TYW3: variants seen among roughly 807,000 people sequenced by gnomAD.
TYW3 encodes tRNA wybutosine-synthesizing protein 3 homolog.
A neutral mutation model predicts 23.1 loss-of-function variants in TYW3; 26 were observed. The observed-to-expected ratio is 1.13, with a 90% CI of 0.83 to 1.56. The LOEUF (loss-of-function observed/expected upper bound fraction) is 1.56, where lower values mean the gene tolerates loss of function less well. TYW3 is among the 40% of genes most tolerant of loss of function. The probability of loss-of-function intolerance (pLI) is 0.00; values close to 1 mark genes in which losing one functional copy is unlikely to be tolerated. For missense variants in TYW3, 316 were observed against 311.9 expected (o/e 1.01, Z -0.10); for synonymous variants, 102 against 105.7 (o/e 0.97, Z 0.21).
At position 74,766,355 on chromosome 1, in the gene TYW3, T is replaced by C. The variant is rs1649306916; in HGVS notation, c.*2242T>C. 1 of 152,062 alleles carries C rather than the reference T, an allele frequency of 6.6e-6. No homozygotes were observed. Among genetic ancestry groups the C allele is most frequent in the African/African-American group, 2.4e-5 (1 of 41,424 alleles). The allele number at this position is 152,062 out of a possible 1,614,324, so 9.4% of individuals were successfully genotyped here. On this transcript the variant is annotated 3_prime_UTR_variant, in exon 6 of 6. Transcript: ENST00000370867. ...TCATAGAAGGTGACAGCTTCATGTG[T>C]GTTATTGCCCCTGAAGACCTTCCAG...
intron 5 of TYW3, among the ~76,000 whole-genome samples, chr1:74,759,630 G>A (rs550055186): frequency 6.6e-6 from 1 of 152,194 alleles, no homozygotes; most frequent in South Asian, 2.1e-4. Context: ...CTATGTAGTT[G>A]AAAATCCACA....
chr1:74,733,488 A>G (rs1647994217), intron 1 of TYW3, 70 bp downstream of exon 1: 17 of 1,570,810 alleles, frequency 1.1e-5, no homozygotes, highest in Non-Finnish European at 1.5e-5. Flanking sequence ...GTTCCCATCC[A>G]GTGACGACCG....
At position 74,756,899 on chromosome 1, in the gene TYW3, G is replaced by A. The variant is rs186877939; in HGVS notation, c.560+4474G>A. 3.6e-3 allele frequency among the ~76,000 whole-genome samples: 541 copies of A among 152,330 alleles called. 1 individual carries two copies. The highest frequency in any genetic ancestry group is 6.8e-3 in the Non-Finnish European group (464 of 68,036). On this transcript the variant is annotated intron_variant, in intron 5 of 5. Coordinates refer to ENST00000370867, the MANE Select transcript of TYW3 (RefSeq NM_138467.3). ...GTGCAGCCTAGGAACTTGGTGCCCT[G>A]TGTCCCAGCCACTCAAGCCATGGCT...
chr1:74,739,474 A>C (rs1356330746), intron 3 of TYW3, among the ~76,000 whole-genome samples: 1 of 152,240 alleles, frequency 6.6e-6, no homozygotes, highest in African/African-American at 2.4e-5. Context: ...GCTTCTCTGA[A>C]AAGCTTTCTT....
intron 3 of TYW3, among the ~76,000 whole-genome samples, chr1:74,739,333 G>C (rs562447995): frequency 6.6e-6 from 1 of 152,200 alleles, no homozygotes; most frequent in East Asian, 1.9e-4. Flanking sequence ...CCAAAGTTAG[G>C]AGACAGCAAA....
At chr1:74,746,124 A>G (rs886464108) in intron 3 of TYW3, among the ~76,000 whole-genome samples, 7 of 152,232 alleles carry the variant, frequency 4.6e-5, no homozygotes, top group African/African-American at 1.2e-4. Context: ...TCAAATAGAC[A>G]TTTGGGTAGA....
chr1:74,737,816 T>G (rs1273947784), intron 2 of TYW3, among the ~76,000 whole-genome samples: 3 of 152,170 alleles, frequency 2.0e-5, no homozygotes, highest in Non-Finnish European at 2.9e-5. Flanking sequence ...TAGGCTCAAG[T>G]GTTGTAACAT....
intron 5 of TYW3, among the ~76,000 whole-genome samples, chr1:74,761,969 C>T (rs918373757): frequency 6.6e-6 from 1 of 151,958 alleles, no homozygotes; most frequent in Non-Finnish European, 1.5e-5. Context: ...GTAAAGGGTG[C>T]ATTAAGTGAA....
At chr1:74,745,262 C>A (rs191951266) in intron 3 of TYW3, among the ~76,000 whole-genome samples, 92 of 152,336 alleles carry the variant, frequency 6.0e-4, no homozygotes, top group African/African-American at 1.8e-3. Flanking sequence ...AACAAAGCTT[C>A]CACAGCTTGG....
In TYW3 at chr1:74,745,400, T is replaced by C. The variant is rs189677737; in HGVS notation, c.355-3351T>C. 1.6e-4 allele frequency among the ~76,000 whole-genome samples: 24 copies of C among 152,154 alleles called. No homozygotes were observed. The East Asian group carries it at 4.4e-3, about 28-fold the overall frequency. On this transcript the variant is annotated intron_variant, in intron 3 of 5. Transcript: ENST00000370867. ...CTGATTGGTCCATTTTACAGAGTGC[T>C]GATTGGCCCATTTTACAGAGTGCTG...
At chr1:74,736,766 A>T in intron 2 of TYW3, 144 bp downstream of exon 2, 1 of 628,356 alleles carries the variant, frequency 1.6e-6, no homozygotes, top group Non-Finnish European at 2.6e-6. Context: ...TTTCATTACA[A>T]TGGCTCTTTT....
chr1:74,763,831 G>A (rs538220608), intron 5 of TYW3, 63 bp from the exon 6 acceptor site: 1,011 of 1,279,754 alleles, frequency 7.9e-4, no homozygotes, highest in Non-Finnish European at 1.0e-3. Flanking sequence ...TAAGCTCTTG[G>A]TGTATTTCAG....
Position 74,766,134 on chromosome 1 carries a change from G to A in TYW3, c.*2021G>A, listed in dbSNP as rs1448828200. ...AGCTGTAGCACAACACATTACCCAC[G>A]TTTGTGGTGACAGTCATATAAAAGT... is the stretch of plus-strand genomic sequence containing the variant. On this transcript the variant is annotated 3_prime_UTR_variant, in exon 6 of 6. Coordinates refer to ENST00000370867, the MANE Select transcript of TYW3 (RefSeq NM_138467.3). 2.0e-5 allele frequency: 3 copies of A among 151,988 alleles called. No individual in the cohort carries two copies. Among genetic ancestry groups the A allele is most frequent in the African/African-American group, 4.8e-5 (2 of 41,394 alleles). 9.4% of individuals were successfully genotyped at this position (151,988 alleles called of 1,614,324 possible).
chr1:74,733,168 C>T lies in TYW3; in HGVS notation c.-77C>T. 3 of 1,526,402 alleles carry T rather than the reference C, an allele frequency of 2.0e-6. No homozygotes were observed. The highest frequency in any genetic ancestry group is 2.3e-5 in the East Asian group (1 of 42,582). The allele number at this position is 1,526,402 out of a possible 1,614,324, so 94.6% of individuals were successfully genotyped here. On this transcript the variant is annotated 5_prime_UTR_variant, in exon 1 of 6. Transcript: ENST00000370867. ...AGTTTGGACCTTTTCGGCCACCGCT[C>T]GCTTCAATATGGCTGCCCCCAGGGA...
intron 5 of TYW3, among the ~76,000 whole-genome samples, chr1:74,759,033 A>G (rs554270838): frequency 2.0e-5 from 3 of 152,372 alleles, no homozygotes; most frequent in African/African-American, 7.2e-5. Context: ...CTGGAATGAG[A>G]ATAGTGGTTA....
intron 3 of TYW3, among the ~76,000 whole-genome samples, chr1:74,744,407 C>T (rs1648477333): frequency 6.6e-6 from 1 of 152,046 alleles, no homozygotes; most frequent in Non-Finnish European, 1.5e-5. Context: ...TGAGCCGCCT[C>T]TTTTTCACGG....
chr1:74,738,399 T>C (rs1217639995), intron 2 of TYW3, among the ~76,000 whole-genome samples: 2 of 152,156 alleles, frequency 1.3e-5, no homozygotes, highest in East Asian at 3.9e-4. Context: ...CATTTCCTAA[T>C]GAAAAATCCG....
At chr1:74,757,804 GT>G (rs1360231114) in intron 5 of TYW3, among the ~76,000 whole-genome samples, 1 of 152,154 alleles carries the variant, frequency 6.6e-6, no homozygotes, top group Non-Finnish European at 1.5e-5. Flanking sequence ...GGTCTTTCCT[GT>G]GGTGTTCTCA....
chr1:74,747,849 A>G (rs184648479), intron 3 of TYW3, among the ~76,000 whole-genome samples: 1 of 151,050 alleles, frequency 6.6e-6, no homozygotes, highest in Non-Finnish European at 1.5e-5. Context: ...ATATGTGTAT[A>G]CACATATGTA....
Sources: gnomAD v4.1 joint callset for allele counts (sites outside exome capture counted in the v4.1 genomes callset) on GRCh38, gnomAD v4.1.1 for gene constraint, MANE v1.5 for transcripts, NCBI Gene and HGNC (gene_info 2026-07-23, HGNC 2026-07-21) for gene names.